The following TEX14 variants were observed in gnomAD, a reference collection of about 807,000 sequenced individuals.
The protein encoded by TEX14 is inactive serine/threonine-protein kinase TEX14.
TEX14 carries 168 observed loss-of-function variants against 178.6 expected under a neutral mutation model. That is an observed-to-expected ratio of 0.94 (90% CI 0.83 to 1.07). The LOEUF (loss-of-function observed/expected upper bound fraction) is 1.07. Ranked by LOEUF, TEX14 falls within the 50% of genes least tolerant of loss-of-function variation. TEX14 has a pLI of 0.00. For missense variants in TEX14, 1,730 were observed against 1,753.6 expected, an observed-to-expected ratio of 0.99 and a Z score of 0.24; for synonymous variants, 626 against 634.1, an observed-to-expected ratio of 0.99 and a Z score of 0.19.
At chr17:58,691,464 C>T (rs1161995634) in intron 1 of TEX14, among the ~76,000 whole-genome samples, 2 of 151,550 alleles carry the variant, frequency 1.3e-5, no homozygotes, top group African/African-American at 2.4e-5. Context: ...GTCAGGAGTT[C>T]GAGACCAGCC....
chr17:58,563,044 G>T (rs149897008), intron 28 of TEX14, among the ~76,000 whole-genome samples: 1 of 150,302 alleles, frequency 6.7e-6, no homozygotes, highest in African/African-American at 2.5e-5. Context: ...TTGCACTCCA[G>T]CCTGGGCAAC....
intron 2 of TEX14, among the ~76,000 whole-genome samples, chr17:58,639,929 A>G (rs2046534694): frequency 6.6e-6 from 1 of 152,172 alleles, no homozygotes; most frequent in Non-Finnish European, 1.5e-5. Context: ...ACCAGTTCAC[A>G]CTTCTTAAAT....
chr17:58,557,751 T>C, intron 31 of TEX14, 48 bp downstream of exon 31: 1 of 1,469,280 alleles, frequency 6.8e-7, no homozygotes, highest in Non-Finnish European at 9.4e-7. Context: ...CTGCTTCTGT[T>C]GTCTATAAAC....
intron 1 of TEX14, chr17:58,660,642 G>C (rs1437305445): frequency 5.1e-6 from 4 of 787,712 alleles, no homozygotes; most frequent in South Asian, 2.7e-5. Flanking sequence ...TCCCACTCTC[G>C]AGCTCTTTGG....
At chr17:58,682,841 T>C (rs1459365082) in intron 1 of TEX14, among the ~76,000 whole-genome samples, 2 of 151,842 alleles carry the variant, frequency 1.3e-5, no homozygotes, top group African/African-American at 4.8e-5. Flanking sequence ...TCTAAGCAAG[T>C]TAAGAAAAAT....
intron 1 of TEX14, among the ~76,000 whole-genome samples, 194 bp from the exon 2 acceptor site, chr17:58,652,196 T>C (rs547067155): frequency 6.6e-6 from 1 of 152,290 alleles, no homozygotes; most frequent in South Asian, 2.1e-4. Flanking sequence ...TTGAATATAC[T>C]GTTGAATATA....
rs1336875738 is a variant in TEX14 at position 58,654,049 on chromosome 17, G to C, written c.-1-2047C>G. Among the ~76,000 whole-genome samples, 4 of 152,226 alleles carry C rather than the reference G, an allele frequency of 2.6e-5. No individual in the cohort carries two copies. The East Asian group carries it at 7.7e-4, about 29-fold the overall frequency. On this transcript the variant is annotated intron_variant, in intron 1 of 31. Transcript: ENST00000349033. The stretch of plus-strand genomic sequence containing the variant: ...AAAAATTAGCCGGGCATGGTGGCGG[G>C]CGCCTGTAGTCCCAGCTACTCGGGA...
At chr17:58,634,996 G>C (rs1044318379) in intron 2 of TEX14, among the ~76,000 whole-genome samples, 1 of 152,048 alleles carries the variant, frequency 6.6e-6, no homozygotes, top group Non-Finnish European at 1.5e-5. Context: ...GCCAGGCGTG[G>C]TGGCGGGCGC....
At chr17:58,628,343 C>T (rs1011851016) in intron 3 of TEX14, among the ~76,000 whole-genome samples, 3 of 152,114 alleles carry the variant, frequency 2.0e-5, no homozygotes, top group Non-Finnish European at 4.4e-5. Flanking sequence ...CTTTGGGAGA[C>T]TGAGGCGGGC....
intron 1 of TEX14, among the ~76,000 whole-genome samples, chr17:58,674,342 C>A (rs983832867): frequency 6.6e-6 from 1 of 151,828 alleles, no homozygotes; most frequent in Non-Finnish European, 1.5e-5. Flanking sequence ...ATTGAACCCA[C>A]ATCCTTTTCA....
intron 2 of TEX14, among the ~76,000 whole-genome samples, chr17:58,637,723 T>C (rs1191555189): frequency 6.6e-6 from 1 of 152,186 alleles, no homozygotes; most frequent in Non-Finnish European, 1.5e-5. Context: ...TTACAATAAA[T>C]GGGTAAACCT....
chr17:58,593,138 C>T (rs986101352), intron 15 of TEX14, among the ~76,000 whole-genome samples: 1 of 152,186 alleles, frequency 6.6e-6, no homozygotes, highest in Non-Finnish European at 1.5e-5. Context: ...GGAAATCACA[C>T]ACCCCAGGGT....
intron 1 of TEX14, chr17:58,666,451 T>C (rs1598430375): frequency 1.7e-5 from 1 of 60,500 alleles, no homozygotes; most frequent in Admixed American, 2.2e-4. Context: ...AAACAAACCT[T>C]CCACGGCAAA....
chr17:58,565,698 G>C (rs2044382097), intron 27 of TEX14, 49 bp downstream of exon 27: 1 of 1,400,192 alleles, frequency 7.1e-7, no homozygotes, highest in African/African-American at 1.4e-5. Context: ...GTGTTGCCAA[G>C]GACAGCGTTA....
Position 58,561,544 on chromosome 17 carries a change from TG to T in TEX14, c.4132del (p.Gln1378LysfsTer40). ...CCTTTCAGAGCCCTTGGGAAGGTCT[TG>T]TAGCTCCACGCTCTCCTCAGGTGGC... is the stretch of plus-strand genomic sequence containing the variant. Reference protein sequence around the residue: ...LQPPEESVELQDLPKGSERET... With the variant: ...LQPPEESVELXDLPKGSERET... On this transcript the variant is annotated frameshift_variant, in exon 29 of 32. Transcript: ENST00000349033. LOFTEE classifies it high-confidence loss of function. 6.2e-7 allele frequency: 1 copy of T among 1,613,758 alleles called. No individual in the cohort carries two copies. Among genetic ancestry groups the T allele is most frequent in the South Asian group, 1.1e-5 (1 of 91,070 alleles).
Position 58,686,743 on chromosome 17 carries a change from G to A in TEX14, c.-2+5196C>T, listed in dbSNP as rs116417751. 2.8e-3 allele frequency among the ~76,000 whole-genome samples: 421 copies of A among 151,336 alleles called. 6 individuals are homozygous for A. The highest frequency in any genetic ancestry group is 9.8e-3 in the African/African-American group (404 of 41,310). ...TAGTATATATGTCTGAGGCCTTAAA[G>A]AAGCTTTATCATAACCACCTCTAAA... On this transcript the variant is annotated intron_variant, in intron 1 of 31. Transcript: ENST00000349033.
intron 1 of TEX14, among the ~76,000 whole-genome samples, chr17:58,680,351 A>C (rs1455712727): frequency 2.0e-5 from 3 of 152,196 alleles, no homozygotes; most frequent in Admixed American, 2.0e-4. Context: ...CTACCAGTCC[A>C]AAGTGTCATG....
intron 3 of TEX14, among the ~76,000 whole-genome samples, 169 bp from the exon 4 acceptor site, chr17:58,623,181 T>TACACACAC (rs34181308): frequency 2.0e-5 from 3 of 146,828 alleles, no homozygotes; most frequent in African/African-American, 7.4e-5. Context: ...GAACTTTCTG[T>TACACACAC]ACACACACAC....
chr17:58,599,664 T>C lies in TEX14; in HGVS notation c.1681A>G (p.Ser561Gly), dbSNP rs750363914. ...TGAACCCTTGGTGAATGAGGTTGAC[T>C]GCCTATTGAAAAAAACAGCAAAATG... Reference protein sequence around the residue: ...MEIIELKEMGSQPHSPRVHSL... With the variant: ...MEIIELKEMGGQPHSPRVHSL... Residue 561 changes from serine (S) to glycine (G), a missense_variant and splice_region_variant, in exon 14 of 32, where the codon AGT (serine) becomes GGT (glycine). Coordinates refer to ENST00000349033, the MANE Select transcript of TEX14 (RefSeq NM_031272.5). The C allele has an allele frequency of 2.5e-6, 4 of 1,605,572 alleles. No homozygotes were observed. In the East Asian group the frequency reaches 8.9e-5, roughly 36 times the overall value.
Sources: gnomAD v4.1 joint callset for allele counts (sites outside exome capture counted in the v4.1 genomes callset) on GRCh38, gnomAD v4.1.1 for gene constraint, MANE v1.5 for transcripts, NCBI Gene and HGNC (gene_info 2026-07-23, HGNC 2026-07-21) for gene names.